The following FAM135A variants were observed in gnomAD, a reference collection of about 807,000 sequenced individuals.
FAM135A encodes protein FAM135A.
Under a neutral mutation model 146.8 loss-of-function variants are expected in FAM135A, and 79 were observed. The ratio of observed to expected loss-of-function variants is 0.54; its 90% CI spans 0.45 to 0.65. FAM135A has a LOEUF of 0.65. Ranked by LOEUF, FAM135A falls within the 30% of genes least tolerant of loss-of-function variation. The pLI, the probability that FAM135A is intolerant of heterozygous loss-of-function variation, is 0.00. For synonymous variants in FAM135A, 562 were observed against 603.6 expected (o/e 0.93, Z 1.01); for missense variants, 1,623 against 1,758.2 (o/e 0.92, Z 1.38).
In FAM135A at chr6:70,526,507, T is replaced by C. The variant is rs1432269968; in HGVS notation, c.3423T>C (p.Gly1141=). The part of the protein sequence containing the change: ...EKINSDYLRD[G]INMPTVCTSG... ...TAAACAGTGACTATCTGAGAGATGG[T>C]ATAAACATGCCTACTGTCTGTACTT... Residue 1141 remains glycine, a synonymous_variant, in exon 15 of 22, where the codon GGT becomes GGC. Coordinates refer to ENST00000418814, the MANE Select transcript of FAM135A (RefSeq NM_001162529.3). 1 of 1,613,610 alleles carries C rather than the reference T, an allele frequency of 6.2e-7. No homozygotes were observed. Among genetic ancestry groups the C allele is most frequent in the African/African-American group, 1.3e-5 (1 of 74,974 alleles).
intron 16 of FAM135A, among the ~76,000 whole-genome samples, chr6:70,532,289 G>T (rs1333253324): frequency 2.6e-5 from 4 of 151,878 alleles, no homozygotes; most frequent in Non-Finnish European, 5.9e-5. Context: ...CCCATACGTA[G>T]TTTTTTTTAT....
At chr6:70,542,749 T>C (rs1798169640) in intron 20 of FAM135A, among the ~76,000 whole-genome samples, 1 of 152,200 alleles carries the variant, frequency 6.6e-6, no homozygotes, top group African/African-American at 2.4e-5. Context: ...CATCTCAATT[T>C]ACATATCAAA....
intron 5 of FAM135A, among the ~76,000 whole-genome samples, chr6:70,468,804 A>T (rs1780997544): frequency 6.6e-6 from 1 of 152,190 alleles, no homozygotes; most frequent in African/African-American, 2.4e-5. Context: ...CAATATGCCT[A>T]TGCTCGTATA....
At chr6:70,429,872 A>G (rs1771115706) in intron 4 of FAM135A, among the ~76,000 whole-genome samples, 2 of 152,202 alleles carry the variant, frequency 1.3e-5, no homozygotes, top group Non-Finnish European at 2.9e-5. Context: ...AGTGGGACTA[A>G]CAGAAGAAGT....
chr6:70,543,839 A>G (rs1798365242), intron 20 of FAM135A, among the ~76,000 whole-genome samples: 1 of 152,234 alleles, frequency 6.6e-6, no homozygotes, highest in African/African-American at 2.4e-5. Context: ...TGTAAAGATT[A>G]GTTCAATTTT....
chr6:70,475,345 A>C, intron 5 of FAM135A, 65 bp from the exon 6 acceptor site: 1 of 1,290,386 alleles, frequency 7.7e-7, no homozygotes, highest in Non-Finnish European at 1.1e-6. Flanking sequence ...TTTAAAGTAC[A>C]AGTGTTAATT....
intron 20 of FAM135A, among the ~76,000 whole-genome samples, chr6:70,548,818 T>C (rs2128475553): frequency 6.6e-6 from 1 of 152,194 alleles, no homozygotes; most frequent in African/African-American, 2.4e-5. Flanking sequence ...GGTAATATTG[T>C]TTATGCCTGA....
chr6:70,531,690 A>G (rs1795820484), intron 16 of FAM135A, among the ~76,000 whole-genome samples: 1 of 152,094 alleles, frequency 6.6e-6, no homozygotes, highest in African/African-American at 2.4e-5. Flanking sequence ...CATCTTCAAC[A>G]TTGTTTTTTC....
chr6:70,559,584 A>G (rs1801575142), intron 21 of FAM135A, 132 bp from the exon 22 acceptor site: 1 of 671,518 alleles, frequency 1.5e-6, no homozygotes, highest in Non-Finnish European at 2.3e-6. Flanking sequence ...AACCTTTTTA[A>G]AAAGAGCCAT....
At chr6:70,437,740 A>C (rs1773509822) in intron 4 of FAM135A, among the ~76,000 whole-genome samples, 1 of 152,160 alleles carries the variant, frequency 6.6e-6, no homozygotes, top group South Asian at 2.1e-4. Context: ...GTTGTAGAAA[A>C]TAGGCTTTGA....
At chr6:70,454,979 A>T (rs138479238) in intron 5 of FAM135A, among the ~76,000 whole-genome samples, 1 of 152,118 alleles carries the variant, frequency 6.6e-6, no homozygotes, top group Admixed American at 6.5e-5. Flanking sequence ...AGTCATTGTT[A>T]GCTTGATGGG....
chr6:70,518,571 A>C (rs1792827682), intron 12 of FAM135A, among the ~76,000 whole-genome samples: 1 of 152,180 alleles, frequency 6.6e-6, no homozygotes, highest in African/African-American at 2.4e-5. Flanking sequence ...AAATCAGTAC[A>C]TGACTTTAAA....
intron 20 of FAM135A, among the ~76,000 whole-genome samples, chr6:70,556,252 AAAT>A (rs963991124): frequency 9.9e-5 from 15 of 152,244 alleles, no homozygotes; most frequent in Admixed American, 2.6e-4. Context: ...CTATCTCAAA[AAAT>A]AATAATAATA....
At chr6:70,427,576 G>A (rs1015008265) in intron 3 of FAM135A, among the ~76,000 whole-genome samples, 4 of 151,330 alleles carry the variant, frequency 2.6e-5, no homozygotes, top group Admixed American at 2.6e-4. Context: ...CTACATTATT[G>A]ACATATATGT....
intron 2 of FAM135A, among the ~76,000 whole-genome samples, chr6:70,420,072 T>C (rs915642243): frequency 1.3e-5 from 2 of 152,208 alleles, no homozygotes; most frequent in African/African-American, 4.8e-5. Flanking sequence ...ATTTGTTTCA[T>C]GGATGCTAAC....
intron 10 of FAM135A, among the ~76,000 whole-genome samples, chr6:70,486,899 C>T (rs1784772037): frequency 6.6e-6 from 1 of 151,824 alleles, no homozygotes; most frequent in Non-Finnish European, 1.5e-5. Flanking sequence ...TGCACTCCAG[C>T]CTAGGCAACA....
intron 4 of FAM135A, among the ~76,000 whole-genome samples, chr6:70,437,220 C>G (rs1303966781): frequency 6.6e-6 from 1 of 152,096 alleles, no homozygotes; most frequent in Non-Finnish European, 1.5e-5. Context: ...CCATATGGAT[C>G]TTAGAGTTCC....
intron 12 of FAM135A, among the ~76,000 whole-genome samples, chr6:70,508,165 C>T (rs1045228115): frequency 1.7e-4 from 26 of 152,272 alleles, no homozygotes; most frequent in African/African-American, 5.5e-4. Flanking sequence ...GCACAGCAAG[C>T]TTTATCCACC....
chr6:70,512,014 T>A (rs1020526638), intron 12 of FAM135A, among the ~76,000 whole-genome samples: 2 of 151,996 alleles, frequency 1.3e-5, no homozygotes, highest in Non-Finnish European at 2.9e-5. Flanking sequence ...AGCATGACTA[T>A]ATGAACTTAC....
Sources: allele counts gnomAD v4.1 joint callset (sites outside exome capture counted in the v4.1 genomes callset), GRCh38; gene constraint gnomAD v4.1.1; transcripts MANE v1.5; gene names NCBI Gene and HGNC (gene_info 2026-07-23, HGNC 2026-07-21).